WDPCP: variants seen among roughly 807,000 people sequenced by gnomAD.
WDPCP encodes WD repeat-containing and planar cell polarity effector protein fritz homolog.
Under a neutral mutation model 93.1 loss-of-function variants are expected in WDPCP, and 71 were observed. The observed-to-expected ratio is 0.76, with a 90% CI of 0.63 to 0.93. WDPCP has a LOEUF of 0.93. Ranked by LOEUF, WDPCP falls within the 40% of genes least tolerant of loss-of-function variation. The pLI is 0.00. For missense variants in WDPCP, 844 were observed against 887.4 expected (o/e 0.95, Z 0.62); for synonymous variants, 315 against 315.0 (o/e 1.00, Z 0.00).
chr2:63,134,870 C>T (rs1374232173), intron 17 of WDPCP, among the ~76,000 whole-genome samples: 4 of 152,148 alleles, frequency 2.6e-5, no homozygotes, highest in African/African-American at 9.7e-5. Flanking sequence ...CACCTGTAAC[C>T]CCAGCACTTT....
chr2:63,567,116 T>C (rs759105353), intron 1 of WDPCP, among the ~76,000 whole-genome samples: 17 of 152,188 alleles, frequency 1.1e-4, no homozygotes, highest in Admixed American at 2.0e-4. Flanking sequence ...CCAGAAGCTC[T>C]GAACTCTGTT....
At chr2:63,409,055 T>G (rs1694820658) in intron 9 of WDPCP, among the ~76,000 whole-genome samples, 2 of 152,082 alleles carry the variant, frequency 1.3e-5, no homozygotes, top group Admixed American at 1.3e-4. Flanking sequence ...CAGCTGATGC[T>G]CTCTGGAAAG....
Position 63,262,851 on chromosome 2 carries a change from C to G in WDPCP, c.1813-3442G>C, listed in dbSNP as rs148800296. The stretch of plus-strand genomic sequence containing the variant: ...CCCAGGCTAGATTCAAACTCCTGGG[C>G]TCAAGTGAACCTTCTGCTTCAGTCT... On this transcript the variant is annotated intron_variant, in intron 13 of 17. Coordinates refer to ENST00000272321, the MANE Select transcript of WDPCP (RefSeq NM_015910.7). Among the ~76,000 whole-genome samples, 7 of 152,298 alleles carry G rather than the reference C, an allele frequency of 4.6e-5. No individual in the cohort carries two copies. The East Asian group carries it at 1.4e-3, about 29-fold the overall frequency.
chr2:63,594,307 G>A (rs1344941466), intron 3 of WDPCP: 2 of 709,548 alleles, frequency 2.8e-6, no homozygotes, highest in East Asian at 5.5e-5. Flanking sequence ...TACATGGTGA[G>A]AGTTAAATAA....
intron 14 of WDPCP, among the ~76,000 whole-genome samples, chr2:63,206,833 T>C (rs1481769163): frequency 6.6e-6 from 1 of 152,226 alleles, no homozygotes. Flanking sequence ...TTTCATTTAC[T>C]GTGGTAAAAA....
At chr2:63,738,659 G>T (rs971254655) in intron 2 of WDPCP, among the ~76,000 whole-genome samples, 2 of 152,092 alleles carry the variant, frequency 1.3e-5, no homozygotes, top group Admixed American at 1.3e-4. Context: ...TATATTCATA[G>T]CTATAGGCAT....
upstream of WDPCP, chr2:63,588,589 G>T: frequency 1.9e-6 from 1 of 527,958 alleles, no homozygotes; most frequent in Non-Finnish European, 3.4e-6. Context: ...ACCCTCATGG[G>T]AGGATGCAGT....
chr2:63,190,084 CAG>C (rs574484302), intron 14 of WDPCP, among the ~76,000 whole-genome samples: 154 of 151,876 alleles, frequency 1.0e-3, no homozygotes, highest in African/African-American at 3.6e-3. Flanking sequence ...AGTGTGATAA[CAG>C]GGTGGGGAGA....
chr2:63,548,987 A>G (rs973273965), intron 1 of WDPCP, among the ~76,000 whole-genome samples: 10 of 152,116 alleles, frequency 6.6e-5, no homozygotes, highest in Admixed American at 1.3e-4. Context: ...GGTGGCTCAC[A>G]CCTGTAATCC....
At chr2:63,563,739 GAGAA>G (rs1706813225) in intron 1 of WDPCP, among the ~76,000 whole-genome samples, 1 of 152,026 alleles carries the variant, frequency 6.6e-6, no homozygotes, top group Admixed American at 6.6e-5. Flanking sequence ...CCTTAAAAAA[GAGAA>G]AGAAAACACA....
intron 12 of WDPCP, among the ~76,000 whole-genome samples, chr2:63,338,680 C>G (rs1167532728): frequency 7.0e-6 from 1 of 142,296 alleles, no homozygotes; most frequent in Non-Finnish European, 1.5e-5. Context: ...TCGCAAATGA[C>G]TTGTCTATAA....
chr2:63,560,825 C>T (rs899747969), intron 1 of WDPCP, among the ~76,000 whole-genome samples: 1 of 152,080 alleles, frequency 6.6e-6, no homozygotes, highest in African/African-American at 2.4e-5. Flanking sequence ...TACACTGGGG[C>T]CTGTTGGGAG....
intron 12 of WDPCP, among the ~76,000 whole-genome samples, chr2:63,315,931 CT>C (rs34452424): frequency 0.15 from 21,283 of 145,054 alleles, 1,866 homozygotes; most frequent in Admixed American, 0.24. Context: ...TGGGGTAATA[CT>C]TTTTTTTTTT....
chr2:63,678,683 G>A (rs1473001811), intron 2 of WDPCP, among the ~76,000 whole-genome samples: 1 of 152,206 alleles, frequency 6.6e-6, no homozygotes, highest in African/African-American at 2.4e-5. Context: ...CAAGAGTTGG[G>A]ACCTGGAAGT....
At chr2:63,611,651 A>C (rs1241739317) in intron 3 of WDPCP, among the ~76,000 whole-genome samples, 1 of 152,234 alleles carries the variant, frequency 6.6e-6, no homozygotes, top group African/African-American at 2.4e-5. Context: ...GCTTTAAACA[A>C]ACCTCAAAAC....
chr2:63,215,940 A>G (rs567816504), intron 14 of WDPCP, among the ~76,000 whole-genome samples: 3 of 152,398 alleles, frequency 2.0e-5, no homozygotes, highest in African/African-American at 7.2e-5. Flanking sequence ...TATGCAGCCA[A>G]AAGACACATG....
intron 14 of WDPCP, chr2:63,233,343 C>T (rs1263401753): frequency 2.9e-5 from 8 of 279,858 alleles, no homozygotes; most frequent in Non-Finnish European, 3.4e-5. Flanking sequence ...ATTTGCCACA[C>T]AGAAAATATC....
At chr2:63,781,019 A>G (rs1670384198) in intron 2 of WDPCP, among the ~76,000 whole-genome samples, 1 of 152,194 alleles carries the variant, frequency 6.6e-6, no homozygotes. Flanking sequence ...GTTAGAATTG[A>G]GCCAACAATA....
At chr2:63,400,449 A>G (rs1293220255) in intron 10 of WDPCP, among the ~76,000 whole-genome samples, 1 of 152,244 alleles carries the variant, frequency 6.6e-6, no homozygotes, top group Non-Finnish European at 1.5e-5. Flanking sequence ...GACAACCTAC[A>G]GAATGGGAGA....
Sources: gnomAD v4.1 joint callset for allele counts (sites outside exome capture counted in the v4.1 genomes callset) on GRCh38, gnomAD v4.1.1 for gene constraint, MANE v1.5 for transcripts, NCBI Gene and HGNC (gene_info 2026-07-23, HGNC 2026-07-21) for gene names.